Variants in NRG3 observed in about 807,000 individuals in gnomAD.
NRG3 encodes neuregulin 3, also known as pro-neuregulin-3, membrane-bound isoform.
In NRG3, 31 loss-of-function variants were observed where a neutral mutation model predicts 66.9. The ratio of observed to expected loss-of-function variants is 0.46; its 90% CI spans 0.35 to 0.63. The LOEUF (loss-of-function observed/expected upper bound fraction) is 0.63, where lower values mean the gene tolerates loss of function less well. Among genes scored for constraint, NRG3 ranks in the 20% least tolerant of loss-of-function variants. The probability of loss-of-function intolerance (pLI) is 0.00; values close to 1 mark genes in which losing one functional copy is unlikely to be tolerated. For synonymous variants in NRG3, 393 were observed against 359.4 expected, an observed-to-expected ratio of 1.09 and a Z score of -1.06; for missense variants, 910 against 878.9, an observed-to-expected ratio of 1.04 and a Z score of -0.45.
At chr10:82,329,206 T>C (rs1249784320) in intron 1 of NRG3, among the ~76,000 whole-genome samples, 3 of 152,204 alleles carry the variant, frequency 2.0e-5, no homozygotes, top group Non-Finnish European at 4.4e-5. Flanking sequence ...GGTGCTACTT[T>C]ATTGAGGAGC....
intron 2 of NRG3, among the ~76,000 whole-genome samples, chr10:82,379,242 G>A (rs534690745): frequency 4.6e-5 from 7 of 152,180 alleles, no homozygotes; most frequent in Middle Eastern, 3.4e-3. Context: ...CTCTAACACC[G>A]TAGGAGGACT....
intron 4 of NRG3, among the ~76,000 whole-genome samples, chr10:82,918,695 T>C (rs1400112794): frequency 6.6e-6 from 1 of 152,130 alleles, no homozygotes; most frequent in Non-Finnish European, 1.5e-5. Context: ...CCCACTTTCT[T>C]GGCCCTAAGG....
chr10:82,930,090 G>C (rs1414647886), intron 4 of NRG3, among the ~76,000 whole-genome samples: 1 of 152,080 alleles, frequency 6.6e-6, no homozygotes, highest in Non-Finnish European at 1.5e-5. Flanking sequence ...GGTTCATCCA[G>C]GAGTGTCACT....
intron 1 of NRG3, among the ~76,000 whole-genome samples, chr10:81,954,890 C>T (rs2133222440): frequency 6.6e-6 from 1 of 152,128 alleles, no homozygotes; most frequent in East Asian, 1.9e-4. Flanking sequence ...CTCACTTTCA[C>T]CTAGGATTTT....
chr10:82,678,162 C>G (rs1032932302), intron 2 of NRG3, among the ~76,000 whole-genome samples: 10 of 152,180 alleles, frequency 6.6e-5, no homozygotes, highest in African/African-American at 2.4e-4. Context: ...TGTTTCCTAT[C>G]TATTGGGAGA....
intron 2 of NRG3, among the ~76,000 whole-genome samples, chr10:82,699,843 C>T (rs538808908): frequency 1.4e-5 from 2 of 145,744 alleles, no homozygotes; most frequent in South Asian, 4.4e-4. Context: ...AACATTTGTG[C>T]ATATATGGAT....
At chr10:82,479,147 A>G (rs987004072) in intron 2 of NRG3, among the ~76,000 whole-genome samples, 7 of 152,288 alleles carry the variant, frequency 4.6e-5, no homozygotes, top group East Asian at 1.9e-4. Context: ...GTAAAAATCA[A>G]TCAGACTTGA....
At chr10:82,414,270 A>G (rs1367055914) in intron 2 of NRG3, among the ~76,000 whole-genome samples, 5 of 152,144 alleles carry the variant, frequency 3.3e-5, no homozygotes, top group Non-Finnish European at 7.4e-5. Flanking sequence ...GTGTCAGGAA[A>G]TAGGTAGACT....
intron 4 of NRG3, among the ~76,000 whole-genome samples, chr10:82,894,191 A>G (rs1171000296): frequency 6.6e-6 from 1 of 152,244 alleles, no homozygotes; most frequent in Non-Finnish European, 1.5e-5. Flanking sequence ...CCAGCAAAGT[A>G]TAAGGAGATA....
At chr10:81,883,486 T>A (rs1842357528) in intron 1 of NRG3, among the ~76,000 whole-genome samples, 1 of 152,156 alleles carries the variant, frequency 6.6e-6, no homozygotes. Context: ...AATGGAAGTT[T>A]AGCAGCTTCC....
At chr10:82,106,557 G>T (rs938670316) in intron 1 of NRG3, among the ~76,000 whole-genome samples, 11 of 150,784 alleles carry the variant, frequency 7.3e-5, no homozygotes, top group Non-Finnish European at 1.2e-4. Flanking sequence ...CTAGGCTGGA[G>T]TAAAGTTGCA....
At chr10:82,375,522 G>C (rs1030959173) in intron 2 of NRG3, among the ~76,000 whole-genome samples, 16 of 143,552 alleles carry the variant, frequency 1.1e-4, no homozygotes, top group African/African-American at 4.5e-4. Context: ...GGGCGACAGA[G>C]TGAGACTCCA....
chr10:82,884,344 T>G (rs1196041943), intron 4 of NRG3, among the ~76,000 whole-genome samples: 1 of 152,206 alleles, frequency 6.6e-6, no homozygotes, highest in African/African-American at 2.4e-5. Context: ...TTTCGTCATC[T>G]TTGTTTTTTC....
At chr10:82,155,712 C>T (rs2071136861) in intron 1 of NRG3, among the ~76,000 whole-genome samples, 1 of 151,702 alleles carries the variant, frequency 6.6e-6, no homozygotes, top group Non-Finnish European at 1.5e-5. Flanking sequence ...GTGAGATTAT[C>T]CAGCCATTTA....
intron 2 of NRG3, among the ~76,000 whole-genome samples, chr10:82,504,835 G>A (rs1734040919): frequency 6.6e-6 from 1 of 151,830 alleles, no homozygotes; most frequent in Non-Finnish European, 1.5e-5. Context: ...ATGAATAAAT[G>A]ATAATTCTAC....
At chr10:82,540,017 A>G (rs921406459) in intron 2 of NRG3, among the ~76,000 whole-genome samples, 1 of 152,132 alleles carries the variant, frequency 6.6e-6, no homozygotes, top group East Asian at 1.9e-4. Context: ...GAAACTTTGA[A>G]AACATCTTTT....
In NRG3 at chr10:82,487,071, TG is replaced by T. The variant is rs565377813; in HGVS notation, c.953+128204del. ...ATGGTTATTATATATGTATAATATA[TG>T]TATATATAATACACTATATATATCT... On this transcript the variant is annotated intron_variant, in intron 2 of 8. Transcript: ENST00000372141. Among the ~76,000 whole-genome samples, 7 of 148,584 alleles carry T rather than the reference TG, an allele frequency of 4.7e-5. No individual in the cohort carries two copies. The South Asian group carries it at 1.5e-3, about 31-fold the overall frequency.
chr10:82,929,898 GA>G (rs910990550), intron 4 of NRG3, among the ~76,000 whole-genome samples: 5 of 148,478 alleles, frequency 3.4e-5, no homozygotes, highest in Admixed American at 3.4e-4. Flanking sequence ...AAAGGAAAAA[GA>G]AAAAAAATGA....
At chr10:82,026,416 T>C (rs986284519) in intron 1 of NRG3, among the ~76,000 whole-genome samples, 2 of 152,106 alleles carry the variant, frequency 1.3e-5, no homozygotes, top group South Asian at 4.1e-4. Flanking sequence ...GATGGAGTGC[T>C]AGAAAAAGCT....
Sources: gnomAD v4.1 joint callset for allele counts (sites outside exome capture counted in the v4.1 genomes callset) on GRCh38, gnomAD v4.1.1 for gene constraint, MANE v1.5 for transcripts, NCBI Gene and HGNC (gene_info 2026-07-23, HGNC 2026-07-21) for gene names.